FGF12: variants seen among roughly 807,000 people sequenced by gnomAD.
FGF12 encodes fibroblast growth factor 12.
Under a neutral mutation model 23.6 loss-of-function variants are expected in FGF12, and 14 were observed. That is an observed-to-expected ratio of 0.59 (90% CI 0.39 to 0.93). The LOEUF is 0.93. Among genes scored for constraint, FGF12 ranks in the 40% least tolerant of loss-of-function variants. The pLI is 0.00. For synonymous variants in FGF12, 62 were observed against 77.3 expected, an observed-to-expected ratio of 0.80 and a Z score of 1.04; for missense variants, 175 against 217.8, an observed-to-expected ratio of 0.80 and a Z score of 1.24.
intron 2 of FGF12, among the ~76,000 whole-genome samples, chr3:192,375,894 A>G (rs374658985): frequency 6.6e-6 from 1 of 152,308 alleles, no homozygotes. Flanking sequence ...TCTGCAATCT[A>G]TCTTTCATTT....
chr3:192,553,202 A>C (rs1711607615), intron 2 of FGF12, among the ~76,000 whole-genome samples: 1 of 152,114 alleles, frequency 6.6e-6, no homozygotes, highest in African/African-American at 2.4e-5. Flanking sequence ...GAATATATGA[A>C]TCTATATAAA....
intron 2 of FGF12, among the ~76,000 whole-genome samples, chr3:192,692,065 T>A (rs965009984): frequency 6.6e-6 from 1 of 152,186 alleles, no homozygotes; most frequent in Non-Finnish European, 1.5e-5. Flanking sequence ...GATGCCTTGA[T>A]GGTTGAATTC....
At chr3:192,719,487 T>C (rs964737454) in intron 2 of FGF12, among the ~76,000 whole-genome samples, 3 of 152,174 alleles carry the variant, frequency 2.0e-5, no homozygotes, top group African/African-American at 7.2e-5. Flanking sequence ...GTTAAGTTAT[T>C]TGTAGGCTTG....
At position 192,245,335 on chromosome 3, in the gene FGF12, C is replaced by A. The variant is rs578034642; in HGVS notation, c.229-74679G>T. Reference sequence around the variant, plus strand: ...GTCTCGCTATTTTACCCAGGCTGGTCTCAAACTCCTGGCCTCAAGTTATCC... The same window carrying A: ...GTCTCGCTATTTTACCCAGGCTGGTATCAAACTCCTGGCCTCAAGTTATCC... On this transcript the variant is annotated intron_variant, in intron 4 of 5. Coordinates refer to ENST00000445105, the MANE Select transcript of FGF12 (RefSeq NM_004113.6). 3.3e-5 allele frequency among the ~76,000 whole-genome samples: 5 copies of A among 152,040 alleles called. No homozygotes were observed. In the East Asian group the frequency reaches 9.7e-4, roughly 29 times the overall value.
intron 2 of FGF12, among the ~76,000 whole-genome samples, chr3:192,374,308 T>C (rs1719375373): frequency 6.6e-6 from 1 of 152,226 alleles, no homozygotes; most frequent in Non-Finnish European, 1.5e-5. Flanking sequence ...ACATAATCCA[T>C]TCTTTCCATG....
intron 4 of FGF12, among the ~76,000 whole-genome samples, chr3:192,298,260 TC>T (rs1243439012): frequency 6.6e-6 from 1 of 152,198 alleles, no homozygotes; most frequent in African/African-American, 2.4e-5. Context: ...ATGTTATCTG[TC>T]CCTTGATCTC....
At chr3:192,463,352 A>G (rs924636411) in intron 2 of FGF12, among the ~76,000 whole-genome samples, 1 of 152,066 alleles carries the variant, frequency 6.6e-6, no homozygotes, top group African/African-American at 2.4e-5. Context: ...CCTGGGAGGC[A>G]GAGGTTGCAG....
intron 4 of FGF12, among the ~76,000 whole-genome samples, chr3:192,258,395 T>C (rs566425814): frequency 6.6e-6 from 1 of 152,188 alleles, no homozygotes; most frequent in East Asian, 1.9e-4. Flanking sequence ...GAGGCAGAGG[T>C]TGCAGTGAGC....
At chr3:192,169,770 G>A (rs59045380) in intron 5 of FGF12, among the ~76,000 whole-genome samples, 10,775 of 150,476 alleles carry the variant, frequency 0.072, 475 homozygotes, top group African/African-American at 0.12. Context: ...CAAATGATAT[G>A]CTCTCATCCT....
intron 4 of FGF12, among the ~76,000 whole-genome samples, chr3:192,187,766 T>C (rs1242610924): frequency 3.1e-5 from 4 of 129,582 alleles, no homozygotes; most frequent in African/African-American, 8.7e-5. Context: ...GAGAAATAAA[T>C]AGAACAGATG....
intron 2 of FGF12, among the ~76,000 whole-genome samples, chr3:192,705,199 T>C (rs1256361427): frequency 3.3e-5 from 5 of 152,258 alleles, no homozygotes. Flanking sequence ...TTTCAGCGTA[T>C]TTCAGCCTTC....
At chr3:192,564,019 G>T (rs1226449987) in intron 2 of FGF12, among the ~76,000 whole-genome samples, 2 of 151,418 alleles carry the variant, frequency 1.3e-5, no homozygotes, top group Non-Finnish European at 2.9e-5. Flanking sequence ...CTTAAAATTA[G>T]ACTATGTGTA....
chr3:192,662,115 A>G (rs980797683), intron 2 of FGF12, among the ~76,000 whole-genome samples: 1 of 152,206 alleles, frequency 6.6e-6, no homozygotes, highest in Non-Finnish European at 1.5e-5. Context: ...GAAATGGTGA[A>G]AGAAAAGAAA....
At chr3:192,588,800 C>T (rs1713497809) in intron 2 of FGF12, among the ~76,000 whole-genome samples, 1 of 151,874 alleles carries the variant, frequency 6.6e-6, no homozygotes, top group Non-Finnish European at 1.5e-5. Flanking sequence ...CATTAAAGCA[C>T]GCTGGAATTC....
Position 192,141,391 on chromosome 3 carries a change from G to GTT in FGF12, c.*2616_*2617dup, listed in dbSNP as rs1297231470. ...TCATGTACTTGAGAAGTAAGCAGGA[G>GTT]TTAAGCAAACATTCACCCTTTGCTC... On this transcript the variant is annotated 3_prime_UTR_variant, in exon 6 of 6. Transcript: ENST00000445105. 6.6e-6 allele frequency: 1 copy of GTT among 151,942 alleles called. No homozygotes were observed. The highest frequency in any genetic ancestry group is 1.5e-5 in the Non-Finnish European group (1 of 67,884). The allele number at this position is 151,942 out of a possible 1,614,324, so 9.4% of individuals were successfully genotyped here.
At chr3:192,378,734 T>G (rs1218954224) in intron 2 of FGF12, among the ~76,000 whole-genome samples, 2 of 151,844 alleles carry the variant, frequency 1.3e-5, no homozygotes, top group Non-Finnish European at 2.9e-5. Flanking sequence ...GGGGTGCAGG[T>G]GTGGGGTTGT....
intron 2 of FGF12, among the ~76,000 whole-genome samples, chr3:192,618,871 C>T (rs1269811124): frequency 1.3e-5 from 2 of 151,926 alleles, no homozygotes; most frequent in Admixed American, 1.3e-4. Context: ...AAGTGAGAAA[C>T]ACTTGCTAGG....
At chr3:192,576,179 A>G (rs944535618) in intron 2 of FGF12, among the ~76,000 whole-genome samples, 1 of 152,206 alleles carries the variant, frequency 6.6e-6, no homozygotes, top group Non-Finnish European at 1.5e-5. Flanking sequence ...ACGAAGAAAA[A>G]TAATGAATGT....
chr3:192,592,339 G>A (rs1195377811), intron 2 of FGF12, among the ~76,000 whole-genome samples: 6 of 151,806 alleles, frequency 4.0e-5, no homozygotes, highest in African/African-American at 7.2e-5. Flanking sequence ...AGACTACCTG[G>A]TTCTAGGTAT....
Sources: gnomAD v4.1 joint callset for allele counts (sites outside exome capture counted in the v4.1 genomes callset) on GRCh38, gnomAD v4.1.1 for gene constraint, MANE v1.5 for transcripts, NCBI Gene and HGNC (gene_info 2026-07-23, HGNC 2026-07-21) for gene names.